ERI3: variants seen among roughly 807,000 people sequenced by gnomAD.
ERI3 encodes the protein ERI1 exoribonuclease 3.
Under a neutral mutation model 44.4 loss-of-function variants are expected in ERI3, and 18 were observed. That is an observed-to-expected ratio of 0.41 (90% CI 0.28 to 0.60). ERI3 has a LOEUF of 0.60. Among genes scored for constraint, ERI3 ranks in the 20% least tolerant of loss-of-function variants. The probability of loss-of-function intolerance (pLI) is 0.36; values close to 1 mark genes in which losing one functional copy is unlikely to be tolerated. For synonymous variants in ERI3, 183 were observed against 164.8 expected, an observed-to-expected ratio of 1.11 and a Z score of -0.84; for missense variants, 294 against 435.5, an observed-to-expected ratio of 0.68 and a Z score of 2.89.
At chr1:44,313,298 C>A in intron 4 of ERI3, 70 bp from the exon 5 acceptor site, 4 of 1,443,448 alleles carry the variant, frequency 2.8e-6, no homozygotes, top group South Asian at 2.3e-5. Context: ...AACAGGACCC[C>A]TTCCTTTCTG....
At chr1:44,339,377 A>T in intron 2 of ERI3, 55 bp from the exon 3 acceptor site, 1 of 1,470,080 alleles carries the variant, frequency 6.8e-7, no homozygotes, top group Non-Finnish European at 9.0e-7. Context: ...AGAAAAAAAA[A>T]AAAAGAACAG....
intron 6 of ERI3, among the ~76,000 whole-genome samples, chr1:44,297,736 C>A (rs1170624171): frequency 6.6e-6 from 1 of 152,166 alleles, no homozygotes; most frequent in Admixed American, 6.5e-5. Context: ...GTCTCCATTA[C>A]CCTGGCTGGG....
chr1:44,270,133 C>T (rs1245634030), intron 7 of ERI3, among the ~76,000 whole-genome samples: 5 of 152,076 alleles, frequency 3.3e-5, no homozygotes, highest in African/African-American at 1.2e-4. Flanking sequence ...AGAGTAGCAA[C>T]AGCAAAATCA....
In ERI3 at chr1:44,239,737, A is replaced by C. The variant is rs1034033643; in HGVS notation, c.931+8202T>G. Reference sequence around the variant, plus strand: ...ACAGCGTTTAATAATAGTAACAGTGAGTGTAAGCGTTTCCATCCTTCCTGT... The same window carrying C: ...ACAGCGTTTAATAATAGTAACAGTGCGTGTAAGCGTTTCCATCCTTCCTGT... On this transcript the variant is annotated intron_variant, in intron 8 of 8. Coordinates refer to ENST00000372257, the MANE Select transcript of ERI3 (RefSeq NM_024066.3). Among the ~76,000 whole-genome samples, 9 of 152,142 alleles carry C rather than the reference A, an allele frequency of 5.9e-5. 1 individual carries two copies. The highest frequency in any genetic ancestry group is 1.0e-4 in the Non-Finnish European group (7 of 68,006).
At chr1:44,317,350 C>T (rs1236616833) in intron 4 of ERI3, among the ~76,000 whole-genome samples, 2 of 152,214 alleles carry the variant, frequency 1.3e-5, no homozygotes, top group Non-Finnish European at 2.9e-5. Context: ...TTCAGAATGA[C>T]AGCCCCCATC....
chr1:44,340,914 T>C (rs1646639771), intron 2 of ERI3, among the ~76,000 whole-genome samples: 2 of 152,206 alleles, frequency 1.3e-5, no homozygotes, highest in African/African-American at 2.4e-5. Context: ...CAGAATCTTC[T>C]CATCGCCTAT....
chr1:44,288,016 C>T (rs61085808), intron 6 of ERI3, among the ~76,000 whole-genome samples: 37,659 of 152,066 alleles, frequency 0.25, 4,745 homozygotes, highest in Non-Finnish European at 0.26. Context: ...GGGATGGGCT[C>T]TCTCTTTAGC....
chr1:44,287,705 A>G (rs762843063), intron 6 of ERI3, among the ~76,000 whole-genome samples: 1 of 152,264 alleles, frequency 6.6e-6, no homozygotes, highest in Non-Finnish European at 1.5e-5. Context: ...TGGTTGCCTA[A>G]GAAGCAGAGC....
At chr1:44,261,164 AGT>A (rs1644885374) in intron 7 of ERI3, among the ~76,000 whole-genome samples, 1 of 152,194 alleles carries the variant, frequency 6.6e-6, no homozygotes, top group East Asian at 1.9e-4. Context: ...GATGTCTCCA[AGT>A]GTGATGGGAG....
At chr1:44,229,628 G>C (rs1175554406) in intron 8 of ERI3, among the ~76,000 whole-genome samples, 1 of 152,204 alleles carries the variant, frequency 6.6e-6, no homozygotes, top group Non-Finnish European at 1.5e-5. Flanking sequence ...GTCACCATCA[G>C]TGCGGCCTGG....
Position 44,259,555 on chromosome 1 carries a change from GT to G in ERI3, c.832-11518del, listed in dbSNP as rs368753697. On this transcript the variant is annotated intron_variant, in intron 7 of 8. Coordinates refer to ENST00000372257, the MANE Select transcript of ERI3 (RefSeq NM_024066.3). ...GGTGCTCTACCAATATGAAAAGGTA[GT>G]TCCAGCCAGGCACAGTGGCTCATGC... 5.0e-4 allele frequency among the ~76,000 whole-genome samples: 76 copies of G among 152,206 alleles called. No individual in the cohort carries two copies. The East Asian group carries it at 0.014, about 28-fold the overall frequency.
At chr1:44,271,223 G>A (rs1645081527) in intron 7 of ERI3, among the ~76,000 whole-genome samples, 1 of 152,148 alleles carries the variant, frequency 6.6e-6, no homozygotes, top group Admixed American at 6.5e-5. Context: ...TCTTTCTCCA[G>A]TAAAAGCATA....
At chr1:44,346,609 A>C (rs960581848) in intron 2 of ERI3, among the ~76,000 whole-genome samples, 1 of 152,042 alleles carries the variant, frequency 6.6e-6, no homozygotes, top group African/African-American at 2.4e-5. Context: ...CCCTTTAAGC[A>C]CCTCTCACAT....
At chr1:44,317,016 T>C (rs1646101523) in intron 4 of ERI3, among the ~76,000 whole-genome samples, 1 of 152,146 alleles carries the variant, frequency 6.6e-6, no homozygotes, top group African/African-American at 2.4e-5. Flanking sequence ...GCAGTAAAAG[T>C]AGGAGTCTCT....
At position 44,354,969 on chromosome 1, in the gene ERI3, GCCCT is replaced by G; in HGVS notation, c.54_57del (p.Gly19TrpfsTer49). 1 of 1,359,018 alleles carries G rather than the reference GCCCT, an allele frequency of 7.4e-7. No individual in the cohort carries two copies. The highest frequency in any genetic ancestry group is 9.5e-7 in the Non-Finnish European group (1 of 1,049,212). The allele number at this position is 1,359,018 out of a possible 1,614,324, so 84.2% of individuals were successfully genotyped here. A position where few individuals can be genotyped will look rare whatever the true frequency, so the allele number is the denominator to read the frequency against. ...GGAGGGGCGGGGGGCCAGGAGACCA[GCCCT>G]CCTTCCCAGGGCCGCCCCCGCCCCC... is the stretch of plus-strand genomic sequence containing the variant. On this transcript the variant is annotated frameshift_variant, in exon 1 of 9. Coordinates refer to ENST00000372257, the MANE Select transcript of ERI3 (RefSeq NM_024066.3). LOFTEE classifies it high-confidence loss of function.
At chr1:44,280,075 T>C (rs1645256078) in intron 7 of ERI3, among the ~76,000 whole-genome samples, 1 of 152,240 alleles carries the variant, frequency 6.6e-6, no homozygotes, top group Non-Finnish European at 1.5e-5. Flanking sequence ...TGATTTCAGA[T>C]GATCTTCTTC....
At chr1:44,314,943 C>T (rs1388216584) in intron 4 of ERI3, among the ~76,000 whole-genome samples, 2 of 152,204 alleles carry the variant, frequency 1.3e-5, no homozygotes, top group African/African-American at 4.8e-5. Context: ...CCCTGTTTTG[C>T]CTCAGGCATG....
chr1:44,281,601 A>AATAT lies in ERI3; in HGVS notation c.831+3230_831+3233dup, dbSNP rs1553189558. The stretch of plus-strand genomic sequence containing the variant: ...AGACCCCGTCTCGAAAAAAAAAAAA[A>AATAT]ATATATATATATATATATAATATAT... On this transcript the variant is annotated intron_variant, in intron 7 of 8. Transcript: ENST00000372257. Among the ~76,000 whole-genome samples the AATAT allele has an allele frequency of 7.4e-4, 95 of 128,012 alleles. 1 individual carries two copies. The highest frequency in any genetic ancestry group is 2.3e-3 in the African/African-American group (69 of 30,022). The allele number at this position is 128,012 out of a possible 152,430, so 84.0% of individuals were successfully genotyped here. A position where few individuals can be genotyped will look rare whatever the true frequency, so the allele number is the denominator to read the frequency against.
intron 6 of ERI3, among the ~76,000 whole-genome samples, chr1:44,305,565 A>G (rs1645814739): frequency 6.6e-6 from 1 of 152,242 alleles, no homozygotes; most frequent in Admixed American, 6.5e-5. Flanking sequence ...ACTACACAAC[A>G]AAGCCCACGT....
Sources: allele counts gnomAD v4.1 joint callset (sites outside exome capture counted in the v4.1 genomes callset), GRCh38; gene constraint gnomAD v4.1.1; transcripts MANE v1.5; gene names NCBI Gene and HGNC (gene_info 2026-07-23, HGNC 2026-07-21).